The following PRTFDC1 variants were observed in gnomAD, a reference collection of about 807,000 sequenced individuals.
PRTFDC1 encodes the protein phosphoribosyl transferase domain containing 1, also known as phosphoribosyltransferase domain-containing protein 1.
PRTFDC1 carries 38 observed loss-of-function variants against 34.6 expected under a neutral mutation model. That is an observed-to-expected ratio of 1.10 (90% CI 0.85 to 1.44). PRTFDC1 has a LOEUF of 1.44. Among genes scored for constraint, PRTFDC1 ranks in the 40% most tolerant of loss-of-function variants. PRTFDC1 has a pLI of 0.00. For synonymous variants in PRTFDC1, 93 were observed against 98.1 expected, an observed-to-expected ratio of 0.95 and a Z score of 0.31; for missense variants, 270 against 283.0, an observed-to-expected ratio of 0.95 and a Z score of 0.33.
chr10:24,915,812 C>A (rs1483645902), intron 3 of PRTFDC1, among the ~76,000 whole-genome samples: 1 of 152,194 alleles, frequency 6.6e-6, no homozygotes, highest in Admixed American at 6.5e-5. Flanking sequence ...GTGGGAAGCT[C>A]CAGGTATCAG....
At chr10:24,873,580 T>TG (rs1443529608) in intron 3 of PRTFDC1, among the ~76,000 whole-genome samples, 3 of 152,160 alleles carry the variant, frequency 2.0e-5, no homozygotes, top group Non-Finnish European at 2.9e-5. Flanking sequence ...TCCCTCTTCC[T>TG]GGGGGGAGTC....
intron 1 of PRTFDC1, among the ~76,000 whole-genome samples, chr10:24,950,866 C>T (rs1849331702): frequency 6.6e-6 from 1 of 152,172 alleles, no homozygotes; most frequent in South Asian, 2.1e-4. Context: ...CTGATGACTT[C>T]CAAATCTCTC....
In PRTFDC1 at chr10:24,849,617, G is replaced by A. The variant is rs1588567270; in HGVS notation, c.*227C>T. On this transcript the variant is annotated 3_prime_UTR_variant, in exon 9 of 9. Transcript: ENST00000320152. ...TAGCATTGCTGAGTCACAAGGCGGA[G>A]TGTTTAATTTGGAACAAGTCAAATA... The A allele has an allele frequency of 4.1e-6, 2 of 485,156 alleles. No individual in the cohort carries two copies. The highest frequency in any genetic ancestry group is 3.1e-5 in the East Asian group (1 of 31,794). 30.1% of individuals were successfully genotyped at this position (485,156 alleles called of 1,614,324 possible). A position where few individuals can be genotyped will look rare whatever the true frequency, so the allele number is the denominator to read the frequency against.
At chr10:24,921,416 C>A (rs573699786) in intron 3 of PRTFDC1, among the ~76,000 whole-genome samples, 3 of 152,176 alleles carry the variant, frequency 2.0e-5, no homozygotes, top group Non-Finnish European at 4.4e-5. Context: ...GGTCCTTCAA[C>A]AGGGACTCCT....
At chr10:24,940,544 C>T (rs1270429347) in intron 2 of PRTFDC1, among the ~76,000 whole-genome samples, 1 of 152,150 alleles carries the variant, frequency 6.6e-6, no homozygotes, top group Non-Finnish European at 1.5e-5. Flanking sequence ...ATCAAAAGGA[C>T]AGACAATATT....
intron 2 of PRTFDC1, among the ~76,000 whole-genome samples, chr10:24,939,814 A>C (rs1057408269): frequency 2.7e-5 from 4 of 149,106 alleles, no homozygotes; most frequent in African/African-American, 9.9e-5. Flanking sequence ...AAAAAAAAAA[A>C]AGAAAAAGAA....
chr10:24,908,698 C>G (rs1279921941), intron 3 of PRTFDC1: 1 of 1,580,518 alleles, frequency 6.3e-7, no homozygotes, highest in Non-Finnish European at 8.6e-7. Flanking sequence ...TTGGGAGAGA[C>G]ACACATGGAG....
chr10:24,894,121 G>A (rs775387610), intron 3 of PRTFDC1, among the ~76,000 whole-genome samples: 1 of 152,166 alleles, frequency 6.6e-6, no homozygotes, highest in Non-Finnish European at 1.5e-5. Context: ...CACGAGGTCA[G>A]GAGATGGAGA....
intron 4 of PRTFDC1, among the ~76,000 whole-genome samples, chr10:24,861,434 A>G (rs925306138): frequency 6.6e-6 from 1 of 152,184 alleles, no homozygotes; most frequent in Non-Finnish European, 1.5e-5. Context: ...TGGGAAGTGG[A>G]GGTTGCAGTG....
chr10:24,912,676 C>T (rs1475661025), intron 3 of PRTFDC1, among the ~76,000 whole-genome samples: 2 of 152,026 alleles, frequency 1.3e-5, no homozygotes, highest in Non-Finnish European at 2.9e-5. Flanking sequence ...TATTTTCTCC[C>T]AATCAGTCTC....
intron 3 of PRTFDC1, among the ~76,000 whole-genome samples, chr10:24,933,504 T>G (rs540767847): frequency 3.9e-5 from 6 of 152,276 alleles, no homozygotes; most frequent in African/African-American, 1.4e-4. Context: ...GTTCAAATCA[T>G]CATTTATTAG....
chr10:24,894,729 C>T (rs998051208), intron 3 of PRTFDC1, among the ~76,000 whole-genome samples: 4 of 152,188 alleles, frequency 2.6e-5, no homozygotes, highest in African/African-American at 7.2e-5. Flanking sequence ...AAACCACCCT[C>T]CTCCTGGGAG....
chr10:24,903,310 C>A (rs745713972), intron 3 of PRTFDC1, among the ~76,000 whole-genome samples: 2 of 152,134 alleles, frequency 1.3e-5, no homozygotes, highest in African/African-American at 2.4e-5. Flanking sequence ...TATTAGGCAT[C>A]CCCTATAAAG....
intron 3 of PRTFDC1, among the ~76,000 whole-genome samples, chr10:24,880,429 T>C (rs1848047567): frequency 1.3e-5 from 2 of 152,102 alleles, no homozygotes; most frequent in Non-Finnish European, 2.9e-5. Context: ...TTGTTGTTGT[T>C]GTATTTTTAG....
chr10:24,884,993 G>A (rs1014998574), intron 3 of PRTFDC1, among the ~76,000 whole-genome samples: 2 of 152,188 alleles, frequency 1.3e-5, no homozygotes, highest in Non-Finnish European at 2.9e-5. Context: ...CCCCACCTGG[G>A]GGCCCTGTCT....
chr10:24,900,862 G>A (rs759571191), intron 3 of PRTFDC1, among the ~76,000 whole-genome samples: 5 of 152,102 alleles, frequency 3.3e-5, no homozygotes, highest in African/African-American at 9.7e-5. Context: ...TATGCATAAA[G>A]CTTGTACCTA....
At chr10:24,881,015 TTCTTTCTC>T (rs1010886474) in intron 3 of PRTFDC1, among the ~76,000 whole-genome samples, 5 of 139,630 alleles carry the variant, frequency 3.6e-5, no homozygotes, top group African/African-American at 1.5e-4. Context: ...CTTTCTCTCT[TTCTTTCTC>T]TCTCTCTATC....
chr10:24,882,694 T>TG (rs1184467233), intron 3 of PRTFDC1, among the ~76,000 whole-genome samples: 1 of 152,000 alleles, frequency 6.6e-6, no homozygotes, highest in Admixed American at 6.6e-5. Context: ...TTTTTAGAGA[T>TG]GGGGTCTCAT....
intron 3 of PRTFDC1, among the ~76,000 whole-genome samples, chr10:24,930,047 C>T (rs1848947029): frequency 6.6e-6 from 1 of 151,378 alleles, no homozygotes; most frequent in Admixed American, 6.6e-5. Context: ...GAGCGAGACC[C>T]TGCCTCTAAA....
Sources: gnomAD v4.1 joint callset for allele counts (sites outside exome capture counted in the v4.1 genomes callset) on GRCh38, gnomAD v4.1.1 for gene constraint, MANE v1.5 for transcripts, NCBI Gene and HGNC (gene_info 2026-07-23, HGNC 2026-07-21) for gene names.